ATP8A1: variants seen among roughly 807,000 people sequenced by gnomAD.
The protein encoded by ATP8A1 is phospholipid-transporting ATPase IA.
A neutral mutation model predicts 177.7 loss-of-function variants in ATP8A1; 90 were observed. That is an observed-to-expected ratio of 0.51 (90% CI 0.43 to 0.60). ATP8A1 has a LOEUF of 0.60. ATP8A1 is among the 20% of genes least tolerant of loss of function. The probability of loss-of-function intolerance (pLI) is 0.00; values close to 1 mark genes in which losing one functional copy is unlikely to be tolerated. For synonymous variants in ATP8A1, 493 were observed against 485.9 expected, an observed-to-expected ratio of 1.01 and a Z score of -0.19; for missense variants, 1,072 against 1,392.8, an observed-to-expected ratio of 0.77 and a Z score of 3.67.
At chr4:42,539,125 A>C (rs956145993) in intron 20 of ATP8A1, among the ~76,000 whole-genome samples, 17 of 152,208 alleles carry the variant, frequency 1.1e-4, no homozygotes, top group African/African-American at 4.1e-4. Flanking sequence ...ATGGAATTGG[A>C]GATGATTATT....
intron 32 of ATP8A1, 135 bp downstream of exon 32, chr4:42,444,443 C>A: frequency 6.5e-6 from 5 of 774,456 alleles, no homozygotes; most frequent in Admixed American, 2.8e-5. Flanking sequence ...CCCCTGACAC[C>A]CCACAATTGA....
At chr4:42,516,871 C>T (rs1228191239) in intron 22 of ATP8A1, among the ~76,000 whole-genome samples, 1 of 152,062 alleles carries the variant, frequency 6.6e-6, no homozygotes, top group African/African-American at 2.4e-5. Context: ...AGTGATATCA[C>T]CCTGGCTCCT....
intron 1 of ATP8A1, among the ~76,000 whole-genome samples, chr4:42,635,782 C>CATATATATAT (rs764452182): frequency 0.043 from 2,236 of 51,816 alleles, 142 homozygotes; most frequent in Non-Finnish European, 0.057. Context: ...CACACACACA[C>CATATATATAT]ATATATATAT....
At chr4:42,622,112 AC>A (rs1737523700) in intron 4 of ATP8A1, among the ~76,000 whole-genome samples, 1 of 152,158 alleles carries the variant, frequency 6.6e-6, no homozygotes, top group African/African-American at 2.4e-5. Context: ...ATGGTGGCTC[AC>A]GCCTGTAATC....
chr4:42,548,958 T>TA, intron 19 of ATP8A1, 55 bp downstream of exon 19: 1 of 1,387,778 alleles, frequency 7.2e-7, no homozygotes, highest in Non-Finnish European at 1.0e-6. Flanking sequence ...AGGGAAAAAA[T>TA]AAAAATGGAT....
At position 42,586,426 on chromosome 4, in the gene ATP8A1, A is replaced by T; in HGVS notation, c.645T>A (p.Ile215=). 1 of 1,614,178 alleles carries T rather than the reference A, an allele frequency of 6.2e-7. No homozygotes were observed. The highest frequency in any genetic ancestry group is 8.5e-7 in the Non-Finnish European group (1 of 1,180,004). ...DIKDVDSLMR[I]SGRIECESPN... ...GACTTTCACACTCAATTCTGCCAGA[A>T]ATCCTCATCAAACTGTCAACGTCTT... The change falls in exon 9 of 37, where the codon ATT becomes ATA. Residue 215 remains isoleucine, a synonymous_variant. Transcript: ENST00000381668.
chr4:42,445,674 A>G (rs1431851871), intron 31 of ATP8A1, among the ~76,000 whole-genome samples: 1 of 152,268 alleles, frequency 6.6e-6, no homozygotes, highest in Non-Finnish European at 1.5e-5. Context: ...GTCAGGTTAC[A>G]GTAAGAACAG....
intron 27 of ATP8A1, among the ~76,000 whole-genome samples, chr4:42,460,970 T>C (rs1413874919): frequency 6.6e-6 from 1 of 152,200 alleles, no homozygotes; most frequent in South Asian, 2.1e-4. Context: ...ATAACATATT[T>C]ATCATGCCTT....
At position 42,622,009 on chromosome 4, in the gene ATP8A1, G is replaced by A. The variant is rs138821041; in HGVS notation, c.363+2527C>T. On this transcript the variant is annotated intron_variant, in intron 4 of 36. Coordinates refer to ENST00000381668, the MANE Select transcript of ATP8A1 (RefSeq NM_006095.2). The stretch of plus-strand genomic sequence containing the variant: ...GAGTCCCTATTCGATAAATAATGCT[G>A]GAATAACTGGTTAGCCATATGTAGA... Among the ~76,000 whole-genome samples, 819 of 152,226 alleles carry A rather than the reference G, an allele frequency of 5.4e-3. 11 individuals carry two copies. The highest frequency in any genetic ancestry group is 0.019 in the African/African-American group (773 of 41,540).
intron 5 of ATP8A1, among the ~76,000 whole-genome samples, chr4:42,611,371 G>A (rs1464241483): frequency 1.3e-5 from 2 of 152,094 alleles, no homozygotes; most frequent in Non-Finnish European, 2.9e-5. Flanking sequence ...CTAATGCTTA[G>A]TATCATAATA....
Position 42,471,440 on chromosome 4 carries a change from A to T in ATP8A1, c.2325-6364T>A, listed in dbSNP as rs541496833. 3.0e-3 allele frequency among the ~76,000 whole-genome samples: 453 copies of T among 152,380 alleles called. 3 individuals carry two copies. Among genetic ancestry groups the T allele is most frequent in the African/African-American group, 0.01 (432 of 41,592 alleles). On this transcript the variant is annotated intron_variant, in intron 25 of 36. Transcript: ENST00000381668. ...CCTTTCTGCAATGCATTTTAGATAT[A>T]AAACCTCTCTTTTGTAGAATTTATG...
intron 4 of ATP8A1, among the ~76,000 whole-genome samples, chr4:42,617,093 T>C (rs1217745270): frequency 6.6e-6 from 1 of 152,160 alleles, no homozygotes; most frequent in East Asian, 1.9e-4. Context: ...AAGTTTTCCA[T>C]TTGAGAAAAA....
Position 42,445,869 on chromosome 4 carries a change from C to G in ATP8A1, c.2958+714G>C, listed in dbSNP as rs1717159039. Among the ~76,000 whole-genome samples the G allele has an allele frequency of 2.6e-5, 4 of 152,020 alleles. No individual in the cohort carries two copies. In the South Asian group the frequency reaches 8.3e-4, roughly 32 times the overall value. The stretch of plus-strand genomic sequence containing the variant: ...CTGAGGTGGGTGGATCACCTGAGGT[C>G]AGGGGTTTGAGACCAGCCTGGCCAA... On this transcript the variant is annotated intron_variant, in intron 31 of 36. Coordinates refer to ENST00000381668, the MANE Select transcript of ATP8A1 (RefSeq NM_006095.2).
At chr4:42,436,476 C>T (rs578003385) in intron 33 of ATP8A1, among the ~76,000 whole-genome samples, 10 of 152,358 alleles carry the variant, frequency 6.6e-5, no homozygotes, top group African/African-American at 2.4e-4. Flanking sequence ...CCATGTCTCC[C>T]TTTTCCTCTC....
chr4:42,486,160 C>T (rs1218710796), intron 24 of ATP8A1, among the ~76,000 whole-genome samples: 1 of 152,184 alleles, frequency 6.6e-6, no homozygotes, highest in African/African-American at 2.4e-5. Context: ...CCGCTGTGTC[C>T]GGTTTCCATT....
intron 1 of ATP8A1, among the ~76,000 whole-genome samples, chr4:42,647,088 T>C (rs930620124): frequency 7.4e-6 from 1 of 134,914 alleles, no homozygotes; most frequent in African/African-American, 2.7e-5. Context: ...CACAATGTAC[T>C]TACATAAAAC....
intron 33 of ATP8A1, among the ~76,000 whole-genome samples, chr4:42,428,395 A>G (rs10012557): frequency 0.56 from 85,383 of 152,104 alleles, 24,225 homozygotes; most frequent in Middle Eastern, 0.69. Flanking sequence ...AGGGAATGGC[A>G]TCATCCCTGG....
intron 22 of ATP8A1, among the ~76,000 whole-genome samples, chr4:42,519,908 T>C (rs912727801): frequency 1.3e-5 from 2 of 152,204 alleles, no homozygotes; most frequent in South Asian, 2.1e-4. Flanking sequence ...TGGATGCATA[T>C]AGACACATAT....
chr4:42,508,092 C>T (rs907885680), intron 22 of ATP8A1, among the ~76,000 whole-genome samples: 3 of 152,074 alleles, frequency 2.0e-5, no homozygotes, highest in Non-Finnish European at 4.4e-5. Context: ...ACCATAAGAC[C>T]AAACACAACC....
Sources: allele counts gnomAD v4.1 joint callset (sites outside exome capture counted in the v4.1 genomes callset), GRCh38; gene constraint gnomAD v4.1.1; transcripts MANE v1.5; gene names NCBI Gene and HGNC (gene_info 2026-07-23, HGNC 2026-07-21).